RRAS: variants seen among roughly 807,000 people sequenced by gnomAD.
RRAS encodes the protein ras-related protein R-Ras.
A neutral mutation model predicts 23.3 loss-of-function variants in RRAS; 18 were observed. That is an observed-to-expected ratio of 0.77 (90% confidence interval 0.53 to 1.15). The LOEUF (loss-of-function observed/expected upper bound fraction) is 1.15. Among genes scored for constraint, RRAS ranks in the 50% most tolerant of loss-of-function variants. The pLI is 0.00. For synonymous variants in RRAS, 133 were observed against 138.3 expected, an observed-to-expected ratio of 0.96 and a Z score of 0.27; for missense variants, 291 against 317.1, an observed-to-expected ratio of 0.92 and a Z score of 0.62.
At chr19:49,635,977 A>T in intron 4 of RRAS, 125 bp from the exon 5 acceptor site, 1 of 528,910 alleles carries the variant, frequency 1.9e-6, no homozygotes, top group Non-Finnish European at 3.4e-6. Flanking sequence ...AAAGAGGAAG[A>T]GCTCCTGAGA....
At chr19:49,639,344 G>A (rs1452278427) in intron 1 of RRAS, among the ~76,000 whole-genome samples, 3 of 150,198 alleles carry the variant, frequency 2.0e-5, no homozygotes, top group African/African-American at 7.4e-5. Flanking sequence ...AGAATTGCTT[G>A]AATCCAGGAG....
Position 49,636,131 on chromosome 19 carries a change from G to A in RRAS, c.454-279C>T, listed in dbSNP as rs922591948. 2.0e-5 allele frequency among the ~76,000 whole-genome samples: 3 copies of A among 152,138 alleles called. No homozygotes were observed. The highest frequency in any genetic ancestry group is 1.9e-4 in the East Asian group (1 of 5,194). Reference sequence around the variant, plus strand: ...CAGGGTGTTCCCGGCAGAGGCAGGCGGAACCCCAAAGCCTGGAAATCCCCA... The same window carrying A: ...CAGGGTGTTCCCGGCAGAGGCAGGCAGAACCCCAAAGCCTGGAAATCCCCA... On this transcript the variant is annotated intron_variant, in intron 4 of 5. Coordinates refer to ENST00000246792, the MANE Select transcript of RRAS (RefSeq NM_006270.5). This position sits in a 1 kb window ranked among gnomAD's most constrained non-coding sequence, Gnocchi z 4.5.
At position 49,635,550 on chromosome 19, in the gene RRAS, T is replaced by C. The variant is rs1168105319; in HGVS notation, c.*26A>G. On this transcript the variant is annotated 3_prime_UTR_variant, in exon 6 of 6. Transcript: ENST00000246792. ...GAAGGCAGCTAGTCCCGAGAGCTTG[T>C]GGTGGTTGCTTCTCTCTTGCCTGGG... is the stretch of plus-strand genomic sequence containing the variant. The C allele has an allele frequency of 7.3e-7, 1 of 1,369,596 alleles. No homozygotes were observed. The highest frequency in any genetic ancestry group is 1.5e-5 in the African/African-American group (1 of 67,664). 84.8% of individuals were successfully genotyped at this position (1,369,596 alleles called of 1,614,324 possible).
In RRAS at chr19:49,636,879, A is replaced by G. The variant is rs747390514; in HGVS notation, c.289T>C (p.Tyr97His). The G allele has an allele frequency of 2.1e-5, 34 of 1,613,496 alleles. No homozygotes were observed. The South Asian group carries it at 2.4e-4, about 11-fold the overall frequency. ...QEEFGAMREQ[Y>H]MRAGHGFLLV... The stretch of plus-strand genomic sequence containing the variant: ...AGGAAGCCGTGGCCAGCACGCATGT[A>G]CTGCTCTCTCATGGCCCCGAACTCT... Residue 97 changes from tyrosine (Y) to histidine (H), a missense_variant, in exon 3 of 6, where the codon TAC becomes CAC. Transcript: ENST00000246792. This position sits in a 1 kb window ranked among gnomAD's most constrained non-coding sequence, Gnocchi z 4.5.
chr19:49,636,748 A>G lies in RRAS; in HGVS notation c.345-21T>C, dbSNP rs1183404833. The G allele has an allele frequency of 2.5e-6, 4 of 1,612,126 alleles. No homozygotes were observed. The highest frequency in any genetic ancestry group is 3.3e-5 in the Admixed American group (2 of 59,994). On this transcript the variant is annotated intron_variant, in intron 3 of 5. Coordinates refer to ENST00000246792, the MANE Select transcript of RRAS (RefSeq NM_006270.5). The surrounding 1 kb of genome is among the most constrained non-coding windows in gnomAD (Gnocchi z 4.5). ...TGAAACTGCGAGTGAAGCCGGAGGC[A>G]TGAGGTCCAGCCAGCTGCAGAGCCC...
chr19:49,637,375 C>T (rs1298611226), intron 1 of RRAS, among the ~76,000 whole-genome samples: 2 of 137,842 alleles, frequency 1.5e-5, no homozygotes, highest in Non-Finnish European at 3.0e-5. Flanking sequence ...GGCGAGATCT[C>T]GGCTCACTGC....
At position 49,635,544 on chromosome 19, in the gene RRAS, A is replaced by T; in HGVS notation, c.*32T>A. On this transcript the variant is annotated 3_prime_UTR_variant, in exon 6 of 6. Transcript: ENST00000246792. Reference sequence around the variant, plus strand: ...AGGTGCGAAGGCAGCTAGTCCCGAGAGCTTGTGGTGGTTGCTTCTCTCTTG... The same window carrying T: ...AGGTGCGAAGGCAGCTAGTCCCGAGTGCTTGTGGTGGTTGCTTCTCTCTTG... 1 of 1,353,768 alleles carries T rather than the reference A, an allele frequency of 7.4e-7. No homozygotes were observed. The highest frequency in any genetic ancestry group is 9.8e-7 in the Non-Finnish European group (1 of 1,024,226). The allele number at this position is 1,353,768 out of a possible 1,614,324, so 83.9% of individuals were successfully genotyped here.
intron 1 of RRAS, among the ~76,000 whole-genome samples, chr19:49,638,054 C>T (rs1181541283): frequency 6.6e-6 from 1 of 152,160 alleles, no homozygotes. Flanking sequence ...ATATCTCTCC[C>T]TCCTCTTCTG....
rs200100211 is a variant in RRAS at position 49,639,943 on chromosome 19, T to C, written c.153+3A>G. On this transcript the variant is annotated splice_donor_region_variant and intron_variant, in intron 1 of 5. Coordinates refer to ENST00000246792, the MANE Select transcript of RRAS (RefSeq NM_006270.5). ...GACACCCTCCCGGGTGAGGGCCCAC[T>C]ACCTGGATGAACTGGATGGTCAGCG... The C allele has an allele frequency of 2.7e-5, 43 of 1,585,588 alleles. No individual in the cohort carries two copies. The highest frequency in any genetic ancestry group is 3.2e-5 in the Non-Finnish European group (38 of 1,171,938).
In RRAS at chr19:49,635,697, C is replaced by T. The variant is rs201172223; in HGVS notation, c.572+37G>A. On this transcript the variant is annotated intron_variant, in intron 5 of 5. Transcript: ENST00000246792. ...CGCCAGTGAGTTTGGAGTGGAAGGGCTGGGGACAAGGACGACAGGAAGGGG... is the reference window on the plus strand; with the variant it reads ...CGCCAGTGAGTTTGGAGTGGAAGGGTTGGGGACAAGGACGACAGGAAGGGG... 2.9e-5 allele frequency: 44 copies of T among 1,531,082 alleles called. No homozygotes were observed. In the East Asian group the frequency reaches 1.0e-3, roughly 36 times the overall value. The allele number at this position is 1,531,082 out of a possible 1,614,324, so 94.8% of individuals were successfully genotyped here.
intron 1 of RRAS, among the ~76,000 whole-genome samples, chr19:49,637,336 C>T (rs1363445529): frequency 2.1e-5 from 2 of 94,718 alleles, no homozygotes; most frequent in African/African-American, 4.3e-5. Context: ...GACGGAGTTT[C>T]GCTCTTGTTG....
rs755435598 is a variant in RRAS, at chr19:49,636,963, G to T, written c.242-37C>A. 1.1e-5 allele frequency: 17 copies of T among 1,608,114 alleles called. No homozygotes were observed. The South Asian group carries it at 1.5e-4, about 15-fold the overall frequency. ...GGGAGAGGGGCCATCGTGGGGACCAGGCTCCCCGCAGTCACCCCCAAGAGC... is the reference window on the plus strand; with the variant it reads ...GGGAGAGGGGCCATCGTGGGGACCATGCTCCCCGCAGTCACCCCCAAGAGC... On this transcript the variant is annotated intron_variant, in intron 2 of 5. Coordinates refer to ENST00000246792, the MANE Select transcript of RRAS (RefSeq NM_006270.5). The surrounding 1 kb of genome is among the most constrained non-coding windows in gnomAD (Gnocchi z 4.5).
At position 49,636,301 on chromosome 19, in the gene RRAS, G is replaced by A. The variant is rs2080995859; in HGVS notation, c.453+318C>T. Among the ~76,000 whole-genome samples, 1 of 152,074 alleles carries A rather than the reference G, an allele frequency of 6.6e-6. No individual in the cohort carries two copies. The highest frequency in any genetic ancestry group is 1.5e-5 in the Non-Finnish European group (1 of 68,002). On this transcript the variant is annotated intron_variant, in intron 4 of 5. Transcript: ENST00000246792. The surrounding 1 kb of genome is among the most constrained non-coding windows in gnomAD (Gnocchi z 4.5). ...CATGGAGGGGGCCGGCCATGAGCAGGGGAGGTGCTGGGGCTGGTGGGAGGT... is the reference window on the plus strand; with the variant it reads ...CATGGAGGGGGCCGGCCATGAGCAGAGGAGGTGCTGGGGCTGGTGGGAGGT...
chr19:49,636,979 C>T lies in RRAS; in HGVS notation c.242-53G>A. On this transcript the variant is annotated intron_variant, in intron 2 of 5. Transcript: ENST00000246792. This position sits in a 1 kb window ranked among gnomAD's most constrained non-coding sequence, Gnocchi z 4.5. ...TGGGGACCAGGCTCCCCGCAGTCAC[C>T]CCCAAGAGCCCTCAGCCCCCACTGA... 6.2e-7 allele frequency: 1 copy of T among 1,606,816 alleles called. No individual in the cohort carries two copies. The highest frequency in any genetic ancestry group is 8.5e-7 in the Non-Finnish European group (1 of 1,174,334).
At position 49,635,524 on chromosome 19, in the gene RRAS, C is replaced by G. The variant is rs372836710; in HGVS notation, c.*52G>C. The G allele has an allele frequency of 1.7e-6, 2 of 1,207,842 alleles. No homozygotes were observed. The highest frequency in any genetic ancestry group is 3.1e-5 in the African/African-American group (2 of 64,642). 74.8% of individuals were successfully genotyped at this position (1,207,842 alleles called of 1,614,324 possible). A position where few individuals can be genotyped will look rare whatever the true frequency, so the allele number is the denominator to read the frequency against. ...GGGCCTCAGGTCACACAGCAAGGTG[C>G]GAAGGCAGCTAGTCCCGAGAGCTTG... On this transcript the variant is annotated 3_prime_UTR_variant, in exon 6 of 6. Coordinates refer to ENST00000246792, the MANE Select transcript of RRAS (RefSeq NM_006270.5).
intron 1 of RRAS, among the ~76,000 whole-genome samples, chr19:49,639,091 G>C (rs2081010107): frequency 6.6e-6 from 1 of 152,034 alleles, no homozygotes; most frequent in Admixed American, 6.5e-5. Context: ...GCCAGGGTCT[G>C]GGTAGAATTT....
Position 49,640,100 on chromosome 19 carries a change from T to A in RRAS, c.-2A>T, listed in dbSNP as rs1052762569. 7.2e-7 allele frequency: 1 copy of A among 1,384,264 alleles called. No homozygotes were observed. The highest frequency in any genetic ancestry group is 1.5e-5 in the African/African-American group (1 of 65,074). The allele number at this position is 1,384,264 out of a possible 1,614,324, so 85.7% of individuals were successfully genotyped here. Reference sequence around the variant, plus strand: ...CCCGGACGCCGCCCCGCTGCTCATGTCGCCACCGCTGCTGCTGCCTTCGCT... The same window carrying A: ...CCCGGACGCCGCCCCGCTGCTCATGACGCCACCGCTGCTGCTGCCTTCGCT... On this transcript the variant is annotated 5_prime_UTR_variant, in exon 1 of 6. Transcript: ENST00000246792.
chr19:49,639,467 C>T (rs1353938376), intron 1 of RRAS, among the ~76,000 whole-genome samples: 1 of 149,710 alleles, frequency 6.7e-6, no homozygotes, highest in Non-Finnish European at 1.5e-5. Flanking sequence ...AAAAAAGAAT[C>T]GAACGTGGTG....
In RRAS at chr19:49,636,597, C is replaced by G; in HGVS notation, c.453+22G>C. 6.3e-7 allele frequency: 1 copy of G among 1,577,884 alleles called. No individual in the cohort carries two copies. Among genetic ancestry groups the G allele is most frequent in the East Asian group, 2.2e-5 (1 of 44,706 alleles). On this transcript the variant is annotated intron_variant, in intron 4 of 5. Transcript: ENST00000246792. This position sits in a 1 kb window ranked among gnomAD's most constrained non-coding sequence, Gnocchi z 4.5. ...GCCTCCCAGACTGAGATGGGGTCCC[C>G]AGAAAGAGGGGTGTCCCGAACCTGG...
Sources: gnomAD v4.1 joint callset for allele counts (sites outside exome capture counted in the v4.1 genomes callset) on GRCh38, gnomAD v4.1.1 for gene constraint, Gnocchi (gnomAD v3.1) non-coding constraint, MANE v1.5 for transcripts, NCBI Gene and HGNC (gene_info 2026-07-23, HGNC 2026-07-21) for gene names.